The following USH2A variants were observed in gnomAD, a reference collection of about 807,000 sequenced individuals.
USH2A encodes the protein Usher syndrome 2A (autosomal recessive, mild).
USH2A carries 443 observed loss-of-function variants against 538.9 expected under a neutral mutation model. The ratio of observed to expected loss-of-function variants is 0.82; its 90% CI spans 0.76 to 0.89. The LOEUF (loss-of-function observed/expected upper bound fraction) is 0.89, where lower values mean the gene tolerates loss of function less well. USH2A is among the 40% of genes least tolerant of loss of function. The pLI is 0.00. For missense variants in USH2A, 6,633 were observed against 6,324.8 expected, an observed-to-expected ratio of 1.05 and a Z score of -1.65; for synonymous variants, 2,413 against 2,273.5, an observed-to-expected ratio of 1.06 and a Z score of -1.75.
chr1:216,233,407 T>A (rs977387539), intron 13 of USH2A, among the ~76,000 whole-genome samples: 1 of 152,084 alleles, frequency 6.6e-6, no homozygotes, highest in Non-Finnish European at 1.5e-5. Context: ...ATGCATAGCA[T>A]CCTGTTTGTT....
intron 15 of USH2A, among the ~76,000 whole-genome samples, chr1:216,212,050 T>C (rs1474652519): frequency 1.3e-5 from 2 of 152,190 alleles, no homozygotes; most frequent in Non-Finnish European, 2.9e-5. Flanking sequence ...AAAACTGACC[T>C]TCAGATGATT....
intron 59 of USH2A, 43 bp downstream of exon 59, chr1:215,743,134 C>T: frequency 6.3e-7 from 1 of 1,596,204 alleles, no homozygotes. Context: ...TAATGAAATA[C>T]TTTTTCATAA....
chr1:215,912,465 A>G (rs1422721657), intron 38 of USH2A, among the ~76,000 whole-genome samples: 3 of 11,944 alleles, frequency 2.5e-4, no homozygotes, highest in African/African-American at 5.0e-4. Flanking sequence ...ATATATATAT[A>G]TATATATATA....
intron 61 of USH2A, among the ~76,000 whole-genome samples, chr1:215,710,824 A>G (rs1659319285): frequency 6.6e-6 from 1 of 152,136 alleles, no homozygotes; most frequent in Non-Finnish European, 1.5e-5. Flanking sequence ...AAAGTTAGAA[A>G]AAAAAGAACA....
intron 9 of USH2A, among the ~76,000 whole-genome samples, chr1:216,303,821 G>A (rs2037261778): frequency 6.6e-6 from 1 of 151,910 alleles, no homozygotes; most frequent in South Asian, 2.1e-4. Flanking sequence ...CATAATGGCT[G>A]TACTCTAGCA....
Position 216,232,133 on chromosome 1 carries a change from A to C in USH2A, c.2813T>G (p.Phe938Cys), listed in dbSNP as rs1242003608. 1.2e-6 allele frequency: 2 copies of C among 1,612,602 alleles called. No homozygotes were observed. The highest frequency in any genetic ancestry group is 1.7e-6 in the Non-Finnish European group (2 of 1,179,522). ...AGTGGCATTGCCTGGAGAAATATAA[A>C]AACCTAGAAATAAAGAAATTAAAAG... is the stretch of plus-strand genomic sequence containing the variant. The part of the protein sequence containing the change: ...GRRCNQCQPG[F>C]YISPGNATGC... Residue 938 changes from phenylalanine to cysteine, a missense_variant, in exon 14 of 72, where the codon TTT becomes TGT. Phe to Cys is a radical substitution (Grantham distance 205, BLOSUM62 -2). Coordinates refer to ENST00000307340, the MANE Select transcript of USH2A (RefSeq NM_206933.4).
At chr1:215,694,621 T>C (rs1658741580) in intron 61 of USH2A, among the ~76,000 whole-genome samples, 1 of 152,180 alleles carries the variant, frequency 6.6e-6, no homozygotes, top group African/African-American at 2.4e-5. Context: ...TTCTTTGTCA[T>C]AAGCATGGCT....
At chr1:216,249,877 T>TGTGA (rs1558343654) in intron 12 of USH2A, among the ~76,000 whole-genome samples, 1 of 148,488 alleles carries the variant, frequency 6.7e-6, no homozygotes, top group African/African-American at 2.5e-5. Flanking sequence ...TGTGTGTGTG[T>TGTGA]GAGAGAGAGA....
chr1:215,997,084 G>A (rs1668159786), intron 34 of USH2A, among the ~76,000 whole-genome samples: 1 of 152,104 alleles, frequency 6.6e-6, no homozygotes, highest in Admixed American at 6.6e-5. Context: ...TTGAAACTGT[G>A]AAATATACAA....
chr1:215,927,159 A>G lies in USH2A; in HGVS notation c.7300+7457T>C, dbSNP rs115561641. Among the ~76,000 whole-genome samples, 863 of 152,276 alleles carry G rather than the reference A, an allele frequency of 5.7e-3. 9 individuals carry two copies. The highest frequency in any genetic ancestry group is 0.02 in the African/African-American group (831 of 41,572). On this transcript the variant is annotated intron_variant, in intron 38 of 71. Coordinates refer to ENST00000307340, the MANE Select transcript of USH2A (RefSeq NM_206933.4). ...GCACTGTTAACAGAAACCGTTTTCT[A>G]TGAAAATTTACTGCTTTGAAAAACT...
At chr1:215,771,775 A>G (rs1661296873) in intron 55 of USH2A, among the ~76,000 whole-genome samples, 1 of 152,022 alleles carries the variant, frequency 6.6e-6, no homozygotes, top group South Asian at 2.1e-4. Context: ...GTACTAGACT[A>G]CAAGGAAGTT....
intron 3 of USH2A, among the ~76,000 whole-genome samples, chr1:216,412,060 T>G (rs983673600): frequency 6.6e-6 from 1 of 152,176 alleles, no homozygotes; most frequent in South Asian, 2.1e-4. Flanking sequence ...AGCTCCTTCA[T>G]AGCAGGAAGT....
chr1:215,865,143 G>A (rs1160321176), intron 44 of USH2A, among the ~76,000 whole-genome samples: 2 of 152,196 alleles, frequency 1.3e-5, no homozygotes, highest in Non-Finnish European at 2.9e-5. Flanking sequence ...CTTTCACAGA[G>A]GATCGACTAG....
chr1:215,693,754 T>C (rs1382284879), intron 61 of USH2A, among the ~76,000 whole-genome samples: 1 of 152,188 alleles, frequency 6.6e-6, no homozygotes, highest in Non-Finnish European at 1.5e-5. Context: ...TCCACTGTAG[T>C]GTACCCTCAT....
intron 35 of USH2A, among the ~76,000 whole-genome samples, chr1:215,984,612 A>T (rs1667828496): frequency 6.6e-6 from 1 of 152,232 alleles, no homozygotes; most frequent in Non-Finnish European, 1.5e-5. Context: ...TAAGGTGCTC[A>T]ATAGGTTGTC....
chr1:215,694,438 T>C (rs1047169790), intron 61 of USH2A, among the ~76,000 whole-genome samples: 1 of 152,098 alleles, frequency 6.6e-6, no homozygotes, highest in African/African-American at 2.4e-5. Context: ...ACGGGCGTGG[T>C]TGCGGGCACC....
intron 61 of USH2A, among the ~76,000 whole-genome samples, chr1:215,694,600 G>A (rs548363141): frequency 6.6e-6 from 1 of 151,952 alleles, no homozygotes; most frequent in Non-Finnish European, 1.5e-5. Flanking sequence ...AACCCACAAG[G>A]CATTCAAAAT....
At chr1:215,900,727 G>A in intron 39 of USH2A, 28 bp downstream of exon 39, 3 of 1,613,304 alleles carry the variant, frequency 1.9e-6, no homozygotes, top group Non-Finnish European at 2.5e-6. Context: ...TAACCCAGCT[G>A]ATAGAATGGA....
At chr1:216,066,555 A>G (rs533257480) in intron 30 of USH2A, among the ~76,000 whole-genome samples, 1 of 152,260 alleles carries the variant, frequency 6.6e-6, no homozygotes, top group East Asian at 1.9e-4. Flanking sequence ...CTTTACAGAT[A>G]TCCTGTAGGT....
Sources: gnomAD v4.1 joint callset for allele counts (sites outside exome capture counted in the v4.1 genomes callset) on GRCh38, gnomAD v4.1.1 for gene constraint, MANE v1.5 for transcripts, NCBI Gene and HGNC (gene_info 2026-07-23, HGNC 2026-07-21) for gene names.